The following CDH12 variants were observed in gnomAD, a reference collection of about 807,000 sequenced individuals.
CDH12 encodes cadherin 12.
A neutral mutation model predicts 74.1 loss-of-function variants in CDH12; 41 were observed. The observed-to-expected ratio is 0.55, with a 90% confidence interval of 0.43 to 0.72. The LOEUF (loss-of-function observed/expected upper bound fraction) is 0.72, where lower values mean the gene tolerates loss of function less well. Ranked by LOEUF, CDH12 falls within the 30% of genes least tolerant of loss-of-function variation. CDH12 has a pLI of 0.00. For synonymous variants in CDH12, 399 were observed against 355.0 expected (o/e 1.12, Z -1.39); for missense variants, 945 against 977.2 (o/e 0.97, Z 0.44).
chr5:22,041,343 A>G, intron 5 of CDH12, among the ~76,000 whole-genome samples: 1 of 152,094 alleles, frequency 6.6e-6, no homozygotes, highest in East Asian at 1.9e-4. Context: ...TTTCAATGTA[A>G]ATGGATTAAA....
intron 5 of CDH12, among the ~76,000 whole-genome samples, chr5:22,064,715 A>G (rs1391961345): frequency 6.6e-6 from 1 of 152,160 alleles, no homozygotes; most frequent in Non-Finnish European, 1.5e-5. Context: ...GGCTGCCTCT[A>G]ACATTACTGA....
intron 1 of CDH12, among the ~76,000 whole-genome samples, chr5:22,668,179 G>A (rs886555702): frequency 6.6e-6 from 1 of 151,906 alleles, no homozygotes; most frequent in Admixed American, 6.6e-5. Context: ...TATAGAAAAA[G>A]GAAATCTTCT....
intron 1 of CDH12, among the ~76,000 whole-genome samples, chr5:22,710,819 G>A (rs269029): frequency 0.7 from 106,329 of 151,546 alleles, 37,475 homozygotes; most frequent in Admixed American, 0.75. Context: ...AGATTCTGCA[G>A]CTTAAAATTA....
chr5:21,882,179 T>A (rs968757958), intron 6 of CDH12, among the ~76,000 whole-genome samples: 9 of 152,202 alleles, frequency 5.9e-5, no homozygotes, highest in African/African-American at 2.2e-4. Context: ...CATTATAAAT[T>A]AAGCAATGAT....
chr5:22,278,177 A>G (rs954898266), intron 3 of CDH12: 19 of 152,194 alleles, frequency 1.2e-4, no homozygotes, highest in Non-Finnish European at 1.5e-5. Context: ...AAACAAAATA[A>G]ATTATCATAG....
intron 1 of CDH12, among the ~76,000 whole-genome samples, chr5:22,683,270 C>T: frequency 6.6e-6 from 1 of 152,172 alleles, no homozygotes; most frequent in Admixed American, 6.6e-5. Flanking sequence ...TGAAATCCCA[C>T]ATAATGGATC....
At chr5:22,184,520 T>A (rs760522988) in intron 4 of CDH12, among the ~76,000 whole-genome samples, 1 of 152,216 alleles carries the variant, frequency 6.6e-6, no homozygotes, top group Non-Finnish European at 1.5e-5. Flanking sequence ...TGTTCATAAC[T>A]AGTAATTGTG....
intron 2 of CDH12, among the ~76,000 whole-genome samples, chr5:22,408,727 T>G (rs185730886): frequency 2.0e-4 from 30 of 151,572 alleles, no homozygotes; most frequent in East Asian, 7.7e-4. Flanking sequence ...TAAATTAGAC[T>G]CAATATCACT....
intron 3 of CDH12, among the ~76,000 whole-genome samples, chr5:22,396,219 A>G (rs1742451447): frequency 6.6e-6 from 1 of 152,094 alleles, no homozygotes. Context: ...TTTTCTGTTC[A>G]GTGTTTCTAG....
At chr5:22,134,043 T>C (rs968730724) in intron 4 of CDH12, among the ~76,000 whole-genome samples, 3 of 152,094 alleles carry the variant, frequency 2.0e-5, no homozygotes, top group Admixed American at 2.0e-4. Flanking sequence ...GGAGAAGAAT[T>C]ACAGAGAACA....
intron 3 of CDH12, among the ~76,000 whole-genome samples, chr5:22,291,321 G>T (rs1389054297): frequency 6.6e-6 from 1 of 152,020 alleles, no homozygotes; most frequent in Non-Finnish European, 1.5e-5. Context: ...GCCAACTCTT[G>T]CCATTTCTAT....
chr5:22,115,109 A>G (rs1456171140), intron 4 of CDH12, among the ~76,000 whole-genome samples: 1 of 152,160 alleles, frequency 6.6e-6, no homozygotes, highest in African/African-American at 2.4e-5. Flanking sequence ...TTTTATTTAC[A>G]TAGATGCTAT....
intron 6 of CDH12, among the ~76,000 whole-genome samples, chr5:21,860,025 A>C (rs1458065109): frequency 1.3e-5 from 2 of 151,900 alleles, no homozygotes; most frequent in Non-Finnish European, 2.9e-5. Flanking sequence ...TAAAAAAAAA[A>C]CATGACCTGC....
intron 1 of CDH12, among the ~76,000 whole-genome samples, chr5:22,848,723 T>C (rs575227788): frequency 2.6e-4 from 39 of 152,342 alleles, no homozygotes; most frequent in Middle Eastern, 3.4e-3. Flanking sequence ...TAACTCTAGC[T>C]TGGCAATTAT....
chr5:22,809,160 G>A (rs1748985929), intron 1 of CDH12, among the ~76,000 whole-genome samples: 1 of 151,206 alleles, frequency 6.6e-6, no homozygotes. Context: ...TGAGACTGAG[G>A]TGACTAATTT....
intron 3 of CDH12, among the ~76,000 whole-genome samples, chr5:22,360,913 C>T (rs190107536): frequency 7.2e-5 from 11 of 152,146 alleles, no homozygotes; most frequent in Admixed American, 5.2e-4. Context: ...GTAAATTAGG[C>T]ATTGATGGGA....
At chr5:21,840,065 T>G (rs914612208) in intron 8 of CDH12, among the ~76,000 whole-genome samples, 1 of 152,224 alleles carries the variant, frequency 6.6e-6, no homozygotes, top group Non-Finnish European at 1.5e-5. Flanking sequence ...AAATAACTAG[T>G]CAGAACTAAA....
At chr5:21,944,873 A>G (rs3873102) in intron 6 of CDH12, among the ~76,000 whole-genome samples, 44,767 of 151,852 alleles carry the variant, frequency 0.29, 10,713 homozygotes, top group African/African-American at 0.66. Context: ...TAACCAGTCT[A>G]CAAGAAGGAA....
In CDH12 at chr5:21,990,887, A is replaced by C. The variant is rs1757714534; in HGVS notation, c.232-15502T>G. ...CCATGTGTCTTTGGGACTAGCATTT[A>C]AACTGAATCATCTCACTTTTAATTT... On this transcript the variant is annotated intron_variant, in intron 5 of 14. Transcript: ENST00000382254. Among the ~76,000 whole-genome samples the C allele has an allele frequency of 2.0e-5, 3 of 151,970 alleles. No individual in the cohort carries two copies. The South Asian group carries it at 6.2e-4, about 31-fold the overall frequency.
Sources: allele counts gnomAD v4.1 joint callset (sites outside exome capture counted in the v4.1 genomes callset), GRCh38; gene constraint gnomAD v4.1.1; transcripts MANE v1.5; gene names NCBI Gene and HGNC (gene_info 2026-07-23, HGNC 2026-07-21).